The following PTPRD variants were observed in gnomAD, a reference collection of about 807,000 sequenced individuals.
PTPRD encodes receptor-type tyrosine-protein phosphatase delta.
A neutral mutation model predicts 214.5 loss-of-function variants in PTPRD; 34 were observed. The observed-to-expected ratio is 0.16, with a 90% CI of 0.12 to 0.21. The LOEUF (loss-of-function observed/expected upper bound fraction) is 0.21, where lower values mean the gene tolerates loss of function less well. Among genes scored for constraint, PTPRD ranks in the 10% least tolerant of loss-of-function variants. The pLI is 1.00. For synonymous variants in PTPRD, 1,128 were observed against 845.7 expected, an observed-to-expected ratio of 1.33 and a Z score of -5.79; for missense variants, 2,545 against 2,398.7, an observed-to-expected ratio of 1.06 and a Z score of -1.27.
intron 8 of PTPRD, among the ~76,000 whole-genome samples, chr9:9,527,712 A>C (rs1195899742): frequency 2.0e-5 from 3 of 152,132 alleles, no homozygotes; most frequent in Non-Finnish European, 4.4e-5. Flanking sequence ...CTTTCCCAAT[A>C]AGGAGTTTAT....
chr9:8,414,079 C>T (rs2131180214), intron 35 of PTPRD, among the ~76,000 whole-genome samples: 1 of 152,130 alleles, frequency 6.6e-6, no homozygotes, highest in East Asian at 1.9e-4. Context: ...AGATACATTA[C>T]AGGTAGGATA....
intron 35 of PTPRD, among the ~76,000 whole-genome samples, chr9:8,422,658 T>C (rs2094441272): frequency 2.0e-5 from 3 of 152,160 alleles, no homozygotes; most frequent in African/African-American, 7.2e-5. Flanking sequence ...TAAAATTTTA[T>C]GAAGGATTTT....
chr9:8,638,466 C>A (rs1358177627), intron 12 of PTPRD, among the ~76,000 whole-genome samples: 1 of 152,092 alleles, frequency 6.6e-6, no homozygotes, highest in African/African-American at 2.4e-5. Flanking sequence ...TTTACCATTT[C>A]TTGGTATGAC....
intron 12 of PTPRD, among the ~76,000 whole-genome samples, chr9:8,717,007 T>G (rs1442440473): frequency 2.6e-5 from 4 of 151,916 alleles, no homozygotes; most frequent in African/African-American, 9.7e-5. Flanking sequence ...GTCTACAAAA[T>G]AATACAAAAA....
At chr9:9,196,787 C>A (rs1263067365) in intron 9 of PTPRD, among the ~76,000 whole-genome samples, 1 of 152,064 alleles carries the variant, frequency 6.6e-6, no homozygotes, top group Non-Finnish European at 1.5e-5. Context: ...GTGTCTCCCC[C>A]TAAAAAAGAG....
chr9:9,115,595 A>G (rs1450252686), intron 10 of PTPRD, among the ~76,000 whole-genome samples: 1 of 152,198 alleles, frequency 6.6e-6, no homozygotes, highest in Non-Finnish European at 1.5e-5. Flanking sequence ...CTGAAAGAAG[A>G]TCTATCATTC....
At chr9:10,303,438 CA>C (rs199584172) in intron 3 of PTPRD, among the ~76,000 whole-genome samples, 47,531 of 149,742 alleles carry the variant, frequency 0.32, 8,955 homozygotes, top group African/African-American at 0.53. Flanking sequence ...GATAGAAACA[CA>C]AAAAAAAACC....
At chr9:8,995,648 T>C (rs2099393801) in intron 11 of PTPRD, among the ~76,000 whole-genome samples, 1 of 152,076 alleles carries the variant, frequency 6.6e-6, no homozygotes, top group Admixed American at 6.6e-5. Context: ...AGAGTTGAAA[T>C]CGGGTTCCCC....
intron 9 of PTPRD, among the ~76,000 whole-genome samples, chr9:9,298,236 A>G (rs960558019): frequency 6.6e-6 from 1 of 151,674 alleles, no homozygotes; most frequent in Non-Finnish European, 1.5e-5. Context: ...AGAGAAACAA[A>G]TGCAAGCAGA....
intron 7 of PTPRD, among the ~76,000 whole-genome samples, chr9:9,732,272 C>T (rs2098210622): frequency 6.6e-6 from 1 of 151,922 alleles, no homozygotes; most frequent in African/African-American, 2.4e-5. Flanking sequence ...TGTGGCAATA[C>T]TTAATTGTAT....
At chr9:8,609,009 T>A (rs1482009632) in intron 14 of PTPRD, among the ~76,000 whole-genome samples, 1 of 152,170 alleles carries the variant, frequency 6.6e-6, no homozygotes, top group Non-Finnish European at 1.5e-5. Context: ...ATATCACCTC[T>A]ATAATTCAGA....
intron 35 of PTPRD, among the ~76,000 whole-genome samples, chr9:8,406,997 A>T (rs1256337617): frequency 6.6e-6 from 1 of 152,186 alleles, no homozygotes; most frequent in Non-Finnish European, 1.5e-5. Flanking sequence ...GATGGCATGC[A>T]TTTACTTATA....
chr9:9,627,848 G>C (rs2095471816), intron 7 of PTPRD, among the ~76,000 whole-genome samples: 1 of 152,130 alleles, frequency 6.6e-6, no homozygotes, highest in Non-Finnish European at 1.5e-5. Flanking sequence ...TACTATGCTA[G>C]GTGCTGAGAA....
intron 2 of PTPRD, among the ~76,000 whole-genome samples, chr9:10,447,235 G>T (rs1218137504): frequency 6.6e-6 from 1 of 151,588 alleles, no homozygotes; most frequent in Non-Finnish European, 1.5e-5. Flanking sequence ...TTAGTGCCAA[G>T]TCAGCTAATT....
intron 2 of PTPRD, among the ~76,000 whole-genome samples, chr9:10,412,659 CA>C (rs1565874352): frequency 6.7e-5 from 10 of 149,444 alleles, no homozygotes; most frequent in East Asian, 5.9e-4. Context: ...CACACACACA[CA>C]CACACCCCTT....
chr9:9,183,473 T>C (rs963569561), intron 9 of PTPRD, 110 bp from the exon 10 acceptor site: 9 of 152,150 alleles, frequency 5.9e-5, no homozygotes, highest in African/African-American at 2.2e-4. Context: ...GAGGCAGAGA[T>C]GAGAAAAAGT....
chr9:8,927,662 A>G (rs2098911604), intron 11 of PTPRD, among the ~76,000 whole-genome samples: 1 of 152,188 alleles, frequency 6.6e-6, no homozygotes, highest in Admixed American at 6.5e-5. Context: ...GTGCTGCAAT[A>G]AACATATGTG....
intron 14 of PTPRD, among the ~76,000 whole-genome samples, chr9:8,601,426 T>C (rs2094854625): frequency 6.6e-6 from 1 of 152,172 alleles, no homozygotes; most frequent in South Asian, 2.1e-4. Context: ...CAGCAGGCCT[T>C]GGGCAAGACT....
At chr9:8,675,961 A>G (rs755523483) in intron 12 of PTPRD, among the ~76,000 whole-genome samples, 2 of 152,022 alleles carry the variant, frequency 1.3e-5, no homozygotes, top group Non-Finnish European at 2.9e-5. Context: ...TTCGGGATCA[A>G]CTCCAACCCT....
Sources: allele counts gnomAD v4.1 joint callset (sites outside exome capture counted in the v4.1 genomes callset), GRCh38; gene constraint gnomAD v4.1.1; transcripts MANE v1.5; gene names NCBI Gene and HGNC (gene_info 2026-07-23, HGNC 2026-07-21).